Variants in MAP4 observed in about 807,000 individuals in gnomAD.
The protein encoded by MAP4 is microtubule-associated protein 4.
MAP4 carries 76 observed loss-of-function variants against 170.2 expected under a neutral mutation model. That is an observed-to-expected ratio of 0.45 (90% CI 0.37 to 0.54). The LOEUF (loss-of-function observed/expected upper bound fraction) is 0.54. Ranked by LOEUF, MAP4 falls within the 20% of genes least tolerant of loss-of-function variation. The pLI, the probability that MAP4 is intolerant of heterozygous loss-of-function variation, is 0.00. For synonymous variants in MAP4, 909 were observed against 994.5 expected (o/e 0.91, Z 1.62); for missense variants, 2,506 against 2,748.0 (o/e 0.91, Z 1.97).
chr3:47,883,374 G>C (rs551747289), intron 10 of MAP4, among the ~76,000 whole-genome samples: 3 of 151,950 alleles, frequency 2.0e-5, no homozygotes, highest in African/African-American at 7.3e-5. Context: ...ACAGGTATGC[G>C]TCACCACGCC....
rs377728640 is a variant in MAP4 at position 48,060,730 on chromosome 3, G to A, written c.-20+28043C>T. ...GGAGTTCAAGACCAGCCTGGGCAACGTGTCGAAACCCTGTCTCTACAAAAA... is the reference window on the plus strand; with the variant it reads ...GGAGTTCAAGACCAGCCTGGGCAACATGTCGAAACCCTGTCTCTACAAAAA... On this transcript the variant is annotated intron_variant, in intron 1 of 18. Coordinates refer to the MAP4 transcript ENST00000360240. Among the ~76,000 whole-genome samples, 13 of 151,616 alleles carry A rather than the reference G, an allele frequency of 8.6e-5. 1 individual carries two copies. Among genetic ancestry groups the A allele is most frequent in the Admixed American group, 4.6e-4 (7 of 15,234 alleles).
chr3:48,069,731 G>A (rs116529784), intron 1 of MAP4, among the ~76,000 whole-genome samples: 4 of 152,114 alleles, frequency 2.6e-5, no homozygotes, highest in Non-Finnish European at 5.9e-5. Context: ...TGTCTGGGTA[G>A]CCACTGACAC....
intron 10 of MAP4, among the ~76,000 whole-genome samples, chr3:47,881,106 C>T (rs1249346199): frequency 6.6e-6 from 1 of 151,974 alleles, no homozygotes; most frequent in Non-Finnish European, 1.5e-5. Context: ...ATGTAAGGAT[C>T]AATCTTAGTG....
At chr3:47,942,774 A>C (rs961844906) in intron 3 of MAP4, among the ~76,000 whole-genome samples, 7 of 152,194 alleles carry the variant, frequency 4.6e-5, no homozygotes, top group Admixed American at 1.3e-4. Flanking sequence ...TGAATCTGGA[A>C]AAATGTATAA....
At chr3:48,087,010 C>T (rs2100149403) in intron 1 of MAP4, among the ~76,000 whole-genome samples, 1 of 152,172 alleles carries the variant, frequency 6.6e-6, no homozygotes, top group African/African-American at 2.4e-5. Flanking sequence ...ACCTCTTCTT[C>T]CCATCAGTCT....
intron 9 of MAP4, among the ~76,000 whole-genome samples, chr3:47,904,325 T>C (rs1028913024): frequency 6.6e-6 from 1 of 152,172 alleles, no homozygotes; most frequent in Non-Finnish European, 1.5e-5. Flanking sequence ...ATTATTATTA[T>C]TATTTTTTGA....
At chr3:48,037,871 G>A (rs1322144312) in intron 1 of MAP4, among the ~76,000 whole-genome samples, 4 of 151,984 alleles carry the variant, frequency 2.6e-5, no homozygotes, top group Non-Finnish European at 5.9e-5. Context: ...GTGAGCTCAA[G>A]AGTGAGGATT....
At chr3:48,077,840 A>G (rs967506811) in intron 1 of MAP4, among the ~76,000 whole-genome samples, 5 of 152,238 alleles carry the variant, frequency 3.3e-5, no homozygotes, top group African/African-American at 1.2e-4. Context: ...ATGTAATGTA[A>G]TATTATTCAG....
chr3:47,944,571 C>A (rs1024854475), intron 3 of MAP4, among the ~76,000 whole-genome samples: 1 of 151,948 alleles, frequency 6.6e-6, no homozygotes, highest in Non-Finnish European at 1.5e-5. Flanking sequence ...AAATGCTAAA[C>A]CAGAGAATAT....
rs59624917 is a variant in MAP4 at position 48,045,984 on chromosome 3, C to CTTTTT, written c.-20+42784_-20+42788dup. Among the ~76,000 whole-genome samples the CTTTTT allele has an allele frequency of 3.5e-3, 456 of 130,804 alleles. 4 individuals are homozygous for CTTTTT. Among genetic ancestry groups the CTTTTT allele is most frequent in the African/African-American group, 0.012 (439 of 35,692 alleles). The allele number at this position is 130,804 out of a possible 152,430, so 85.8% of individuals were successfully genotyped here. A position where few individuals can be genotyped will look rare whatever the true frequency, so the allele number is the denominator to read the frequency against. On this transcript the variant is annotated intron_variant, in intron 1 of 18. Coordinates refer to the MAP4 transcript ENST00000360240. ...CACTACAAAATTTCTTGCATCACTT[C>CTTTTT]TTTTTTTTTTTTTTTTTTTTACCAA...
intron 10 of MAP4, among the ~76,000 whole-genome samples, chr3:47,885,309 C>T (rs566922137): frequency 6.6e-6 from 1 of 152,110 alleles, no homozygotes; most frequent in African/African-American, 2.4e-5. Flanking sequence ...CAAGGAGGAT[C>T]ACTTGAGGTC....
At chr3:47,857,237 GCTC>G (rs754753958) in intron 18 of MAP4, among the ~76,000 whole-genome samples, 191 bp downstream of exon 18, 2 of 152,206 alleles carry the variant, frequency 1.3e-5, no homozygotes, top group Non-Finnish European at 2.9e-5. Context: ...GTAAGAAACT[GCTC>G]CTCCTCCACT....
intron 3 of MAP4, among the ~76,000 whole-genome samples, chr3:47,959,060 A>T (rs2100069689): frequency 6.6e-6 from 1 of 152,172 alleles, no homozygotes; most frequent in South Asian, 2.1e-4. Flanking sequence ...AAAATCTTTA[A>T]AGCTTATGCT....
intron 3 of MAP4, among the ~76,000 whole-genome samples, chr3:47,969,135 C>T (rs1286797911): frequency 6.6e-6 from 1 of 152,236 alleles, no homozygotes; most frequent in African/African-American, 2.4e-5. Context: ...TGGCTAGGTG[C>T]AGTGGCTCAC....
At chr3:47,951,951 C>G (rs999330991) in intron 3 of MAP4, among the ~76,000 whole-genome samples, 8 of 151,738 alleles carry the variant, frequency 5.3e-5, no homozygotes, top group Non-Finnish European at 1.2e-4. Context: ...TGTGGAGCGT[C>G]TCTGCCCGGC....
chr3:47,859,609 C>T (rs2062398175), intron 17 of MAP4, among the ~76,000 whole-genome samples: 1 of 152,306 alleles, frequency 6.6e-6, no homozygotes, highest in Non-Finnish European at 1.5e-5. Flanking sequence ...ACATAGCTCT[C>T]GCTTCAATCC....
At chr3:47,892,320 C>T (rs1559934524) in intron 10 of MAP4, 3 of 1,536,172 alleles carry the variant, frequency 2.0e-6, no homozygotes, top group South Asian at 1.2e-5. Context: ...GGTTGCCCGT[C>T]CATGCTGACA....
At chr3:47,947,765 C>T (rs575660979) in intron 3 of MAP4, among the ~76,000 whole-genome samples, 18 of 142,742 alleles carry the variant, frequency 1.3e-4, no homozygotes, top group Middle Eastern at 3.9e-3. Flanking sequence ...GAGCCAAGAT[C>T]GCACCACTGC....
rs887541608 is a variant in MAP4, at chr3:47,875,978, T to TA, written c.5542-79dup. 24 of 1,079,318 alleles carry TA rather than the reference T, an allele frequency of 2.2e-5. No individual in the cohort carries two copies. The African/African-American group carries it at 2.7e-4, about 12-fold the overall frequency. 66.9% of individuals were successfully genotyped at this position (1,079,318 alleles called of 1,614,324 possible). ...CAAACAGACAAGAATAAAAACAAAT[T>TA]AAAAAAAGTATAAATTGCACAATTC... On this transcript the variant is annotated intron_variant, in intron 11 of 20. Transcript: ENST00000683076.
Sources: allele counts gnomAD v4.1 joint callset (sites outside exome capture counted in the v4.1 genomes callset), GRCh38; gene constraint gnomAD v4.1.1; transcripts MANE v1.5; gene names NCBI Gene and HGNC (gene_info 2026-07-23, HGNC 2026-07-21).